The following FAM117B variants were observed in gnomAD, a reference collection of about 807,000 sequenced individuals.
FAM117B encodes family with sequence similarity 117 member B.
Under a neutral mutation model 52.8 loss-of-function variants are expected in FAM117B, and 22 were observed. The ratio of observed to expected loss-of-function variants is 0.42; its 90% confidence interval spans 0.30 to 0.59. The LOEUF (loss-of-function observed/expected upper bound fraction) is 0.59, where lower values mean the gene tolerates loss of function less well. FAM117B is among the 20% of genes least tolerant of loss of function. FAM117B has a pLI of 0.22. For missense variants in FAM117B, 678 were observed against 802.6 expected, an observed-to-expected ratio of 0.84 and a Z score of 1.88; for synonymous variants, 309 against 324.1, an observed-to-expected ratio of 0.95 and a Z score of 0.50.
chr2:202,718,875 A>ATATC (rs1691104237), intron 2 of FAM117B, among the ~76,000 whole-genome samples: 1 of 152,144 alleles, frequency 6.6e-6, no homozygotes, highest in African/African-American at 2.4e-5. Context: ...TCTGGATTAG[A>ATATC]TGCCTTAGGG....
intron 1 of FAM117B, among the ~76,000 whole-genome samples, chr2:202,683,997 G>A (rs1349643823): frequency 6.6e-6 from 1 of 152,002 alleles, no homozygotes; most frequent in Non-Finnish European, 1.5e-5. Context: ...CTCCCGAGCA[G>A]CTGGGATCAC....
At chr2:202,756,184 A>G (rs529861279) in intron 5 of FAM117B, among the ~76,000 whole-genome samples, 8 of 152,202 alleles carry the variant, frequency 5.3e-5, no homozygotes, top group Non-Finnish European at 1.0e-4. Flanking sequence ...TGGGAGGCCA[A>G]GGTGGGCGGA....
intron 2 of FAM117B, among the ~76,000 whole-genome samples, chr2:202,718,687 A>G (rs1691100573): frequency 6.6e-6 from 1 of 152,140 alleles, no homozygotes; most frequent in Non-Finnish European, 1.5e-5. Context: ...AATAATTTTG[A>G]AGATGTACTC....
At chr2:202,694,557 A>G (rs986702316) in intron 1 of FAM117B, among the ~76,000 whole-genome samples, 2 of 152,192 alleles carry the variant, frequency 1.3e-5, no homozygotes, top group Middle Eastern at 3.4e-3. Context: ...ATTAATAAGT[A>G]ATATGCTTTA....
intron 1 of FAM117B, among the ~76,000 whole-genome samples, chr2:202,651,101 C>T (rs1183808312): frequency 2.8e-5 from 4 of 145,334 alleles, no homozygotes; most frequent in African/African-American, 7.7e-5. Flanking sequence ...CTTGCTCAGT[C>T]GCCCAGGCTG....
chr2:202,732,548 G>A (rs576868187), intron 4 of FAM117B, among the ~76,000 whole-genome samples: 9 of 152,288 alleles, frequency 5.9e-5, no homozygotes, highest in South Asian at 4.1e-4. Flanking sequence ...GCCAGGCACG[G>A]CGGCTTATGC....
intron 6 of FAM117B, among the ~76,000 whole-genome samples, chr2:202,758,993 G>A (rs1356771287): frequency 6.6e-6 from 1 of 152,230 alleles, no homozygotes. Context: ...AAGGCAGCCA[G>A]CTAGATCAGT....
At chr2:202,755,796 T>G in intron 5 of FAM117B, 115 bp downstream of exon 5, 1 of 1,071,754 alleles carries the variant, frequency 9.3e-7, no homozygotes. Flanking sequence ...GAGCAAAAAT[T>G]TATCTCTTTT....
intron 1 of FAM117B, 123 bp from the exon 2 acceptor site, chr2:202,695,758 C>T (rs1191980360): frequency 2.0e-6 from 2 of 990,218 alleles, no homozygotes; most frequent in East Asian, 2.6e-5. Flanking sequence ...TTGGAAGTAT[C>T]CCCTGTGGTT....
intron 3 of FAM117B, among the ~76,000 whole-genome samples, chr2:202,725,888 T>C (rs1691235422): frequency 6.6e-6 from 1 of 152,240 alleles, no homozygotes; most frequent in South Asian, 2.1e-4. Flanking sequence ...TTGGAACTGT[T>C]GAAAGCTAGG....
intron 7 of FAM117B, 121 bp from the exon 8 acceptor site, chr2:202,765,324 CT>C: frequency 2.1e-6 from 2 of 974,406 alleles, no homozygotes; most frequent in Non-Finnish European, 3.0e-6. Context: ...TTTTATATTC[CT>C]TTTCTGTGAT....
At chr2:202,668,100 T>TTATACA (rs562456135) in intron 1 of FAM117B, among the ~76,000 whole-genome samples, 1 of 141,200 alleles carries the variant, frequency 7.1e-6, no homozygotes, top group African/African-American at 2.8e-5. Context: ...TAAAAATATA[T>TTATACA]TTATATAAAA....
In FAM117B at chr2:202,755,542, C is replaced by A; in HGVS notation, c.965C>A (p.Pro322His). The A allele has an allele frequency of 6.2e-7, 1 of 1,613,358 alleles. No individual in the cohort carries two copies. Among genetic ancestry groups the A allele is most frequent in the Non-Finnish European group, 8.5e-7 (1 of 1,179,718 alleles). Residue 322 changes from proline (P) to histidine (H), a missense_variant, in exon 5 of 8, where the codon CCT becomes CAT. Pro to His is a moderately conservative substitution (Grantham distance 77). Coordinates refer to ENST00000392238, the MANE Select transcript of FAM117B (RefSeq NM_173511.4). ...NHAAINQCQA[P>H]VPKSALIPVI... ...TCTCCATCCCATTTTCTTAAGGCTCCTGTTCCAAAGAGTGCACTTATTCCT... is the reference window on the plus strand; with the variant it reads ...TCTCCATCCCATTTTCTTAAGGCTCATGTTCCAAAGAGTGCACTTATTCCT...
At chr2:202,702,463 C>T (rs1422163506) in intron 2 of FAM117B, among the ~76,000 whole-genome samples, 2 of 152,144 alleles carry the variant, frequency 1.3e-5, no homozygotes, top group South Asian at 2.1e-4. Flanking sequence ...TGGCCTTCAG[C>T]AGCCATCACC....
rs199855927 is a variant in FAM117B at position 202,691,649 on chromosome 2, TTGTGTGTGTGTGTG to T, written c.602-4195_602-4182del. Reference sequence around the variant, plus strand: ...TATAATGCATATATACCAGTTTACATTGTGTGTGTGTGTGTGTGTGTGTGTGTGTGTGTGTGTGT... The same window carrying T: ...TATAATGCATATATACCAGTTTACATTGTGTGTGTGTGTGTGTGTGTGTGT... On this transcript the variant is annotated intron_variant, in intron 1 of 7. Transcript: ENST00000392238. Among the ~76,000 whole-genome samples the T allele has an allele frequency of 4.6e-3, 589 of 126,874 alleles. 1 individual carries two copies. The highest frequency in any genetic ancestry group is 0.015 in the African/African-American group (516 of 34,626). The allele number at this position is 126,874 out of a possible 152,430, so 83.2% of individuals were successfully genotyped here.
At chr2:202,703,892 A>G (rs1413046830) in intron 2 of FAM117B, among the ~76,000 whole-genome samples, 1 of 152,220 alleles carries the variant, frequency 6.6e-6, no homozygotes, top group East Asian at 1.9e-4. Flanking sequence ...AGGAACTGCC[A>G]AACTTTTTCA....
intron 2 of FAM117B, among the ~76,000 whole-genome samples, chr2:202,720,098 A>T (rs1691127291): frequency 6.6e-6 from 1 of 152,156 alleles, no homozygotes; most frequent in Non-Finnish European, 1.5e-5. Context: ...TTCTCCAAGA[A>T]ACATTCATTG....
intron 1 of FAM117B, among the ~76,000 whole-genome samples, chr2:202,651,489 C>T (rs1331562910): frequency 1.3e-4 from 19 of 151,668 alleles, no homozygotes; most frequent in African/African-American, 3.9e-4. Context: ...TCTCCTGCCT[C>T]GGCCTCCTGA....
At chr2:202,715,624 C>G (rs1346939410) in intron 2 of FAM117B, among the ~76,000 whole-genome samples, 2 of 152,008 alleles carry the variant, frequency 1.3e-5, no homozygotes, top group Non-Finnish European at 1.5e-5. Context: ...AGGGGCTCCT[C>G]ACATCCCAGA....
Sources: allele counts gnomAD v4.1 joint callset (sites outside exome capture counted in the v4.1 genomes callset), GRCh38; gene constraint gnomAD v4.1.1; transcripts MANE v1.5; gene names NCBI Gene and HGNC (gene_info 2026-07-23, HGNC 2026-07-21).